Variants in ACOT12 observed in about 807,000 individuals in gnomAD.
The protein encoded by ACOT12 is acetyl-coenzyme A thioesterase.
A neutral mutation model predicts 67.7 loss-of-function variants in ACOT12; 51 were observed. That is an observed-to-expected ratio of 0.75 (90% CI 0.60 to 0.95). The LOEUF (loss-of-function observed/expected upper bound fraction) is 0.95. Among genes scored for constraint, ACOT12 ranks in the 40% least tolerant of loss-of-function variants. The pLI, the probability that ACOT12 is intolerant of heterozygous loss-of-function variation, is 0.00. For synonymous variants in ACOT12, 251 were observed against 244.6 expected, an observed-to-expected ratio of 1.03 and a Z score of -0.24; for missense variants, 734 against 708.1, an observed-to-expected ratio of 1.04 and a Z score of -0.41.
Position 81,344,073 on chromosome 5 carries a change from T to A in ACOT12, c.980+87A>T. The A allele has an allele frequency of 2.1e-6, 3 of 1,424,758 alleles. No individual in the cohort carries two copies. In the Middle Eastern group the frequency reaches 5.4e-4, roughly 255 times the overall value. 88.3% of individuals were successfully genotyped at this position (1,424,758 alleles called of 1,614,324 possible). ...TCAGACCTTCTCTTTTTCCGTTACG[T>A]GGGAATAGAGACCCAGAGGGGGGCT... On this transcript the variant is annotated intron_variant, in intron 9 of 14. Transcript: ENST00000307624.
intron 1 of ACOT12, among the ~76,000 whole-genome samples, chr5:81,389,403 C>T (rs930083612): frequency 5.9e-5 from 9 of 152,172 alleles, no homozygotes; most frequent in Non-Finnish European, 1.2e-4. Flanking sequence ...CTGATGAGGT[C>T]AGTGGTAATT....
At chr5:81,338,393 C>T (rs1393101257) in intron 11 of ACOT12, among the ~76,000 whole-genome samples, 1 of 152,124 alleles carries the variant, frequency 6.6e-6, no homozygotes, top group East Asian at 1.9e-4. Context: ...TGAGTGAGTT[C>T]TCATGAGATC....
chr5:81,387,215 C>A (rs1760753170), intron 1 of ACOT12, among the ~76,000 whole-genome samples: 1 of 151,902 alleles, frequency 6.6e-6, no homozygotes, highest in South Asian at 2.1e-4. Flanking sequence ...CCATGTTAGC[C>A]AGGATGGTCT....
intron 10 of ACOT12, 29 bp downstream of exon 10, chr5:81,343,789 A>G (rs771358728): frequency 6.2e-7 from 1 of 1,608,172 alleles, no homozygotes; most frequent in Non-Finnish European, 8.5e-7. Context: ...AGACTTTTAT[A>G]TGAAGAGCTC....
intron 6 of ACOT12, 146 bp from the exon 7 acceptor site, chr5:81,346,150 C>T (rs149896819): frequency 2.7e-5 from 34 of 1,240,366 alleles, no homozygotes; most frequent in Admixed American, 1.7e-4. Flanking sequence ...TAGGTCTGCA[C>T]GCTACCTGCC....
rs1758795754 is a variant in ACOT12 at position 81,330,859 on chromosome 5, T to C, written c.1473A>G (p.Ile491Met). ...TAGCATGGATGAGAAATCCGGCACA[T>C]ATGATTTCACTTCTGATGTACTGTG... ...PSPQYIRSEI[I>M]CAGFLIHAID... Residue 491 changes from isoleucine (I) to methionine (M), a missense_variant, in exon 14 of 15, where the codon ATA (isoleucine) becomes ATG (methionine). Transcript: ENST00000307624. 6.2e-7 allele frequency: 1 copy of C among 1,614,048 alleles called. No homozygotes were observed. The highest frequency in any genetic ancestry group is 8.5e-7 in the Non-Finnish European group (1 of 1,179,950).
intron 8 of ACOT12, 69 bp downstream of exon 8, chr5:81,344,822 G>A (rs1421402195): frequency 6.4e-7 from 1 of 1,567,404 alleles, no homozygotes; most frequent in Non-Finnish European, 8.7e-7. Flanking sequence ...GTTGCCGGTG[G>A]GAGGAGATTC....
At chr5:81,357,734 G>C (rs11741065) in intron 5 of ACOT12, among the ~76,000 whole-genome samples, 1 of 151,922 alleles carries the variant, frequency 6.6e-6, no homozygotes, top group Non-Finnish European at 1.5e-5. Context: ...TGCTGGGCGC[G>C]GTGACTCACA....
the ACOT12 span, among the ~76,000 whole-genome samples, chr5:81,322,468 C>CAAAAAA: frequency 3.4e-5 from 5 of 146,628 alleles, no homozygotes; most frequent in African/African-American, 1.0e-4. Context: ...AAAAAATAAA[C>CAAAAAA]AAAAAAAAAA....
chr5:81,361,748 A>G (rs1372682417), intron 4 of ACOT12, among the ~76,000 whole-genome samples: 1 of 152,200 alleles, frequency 6.6e-6, no homozygotes, highest in Admixed American at 6.5e-5. Flanking sequence ...GCTTTAGCTT[A>G]GTAAGGCTTT....
chr5:81,378,648 C>T (rs1361229345), intron 2 of ACOT12, among the ~76,000 whole-genome samples: 1 of 152,084 alleles, frequency 6.6e-6, no homozygotes, highest in Non-Finnish European at 1.5e-5. Context: ...AAGAAAAAAA[C>T]AACCCCATCA....
At chr5:81,380,716 T>G (rs1760557168) in intron 2 of ACOT12, among the ~76,000 whole-genome samples, 1 of 152,148 alleles carries the variant, frequency 6.6e-6, no homozygotes, top group Admixed American at 6.5e-5. Context: ...GGAGGGCCAG[T>G]TGAAAAATGT....
At chr5:81,326,194 C>G (rs112805889), downstream of ACOT12, among the ~76,000 whole-genome samples, 1 of 137,036 alleles carries the variant, frequency 7.3e-6, no homozygotes, top group Non-Finnish European at 1.5e-5. Flanking sequence ...GGCATGATCT[C>G]GGCTCACTGC....
At chr5:81,373,451 G>C (rs1760315363) in intron 2 of ACOT12, among the ~76,000 whole-genome samples, 1 of 152,222 alleles carries the variant, frequency 6.6e-6, no homozygotes, top group Non-Finnish European at 1.5e-5. Flanking sequence ...CATTTGGGGA[G>C]ACACCGAGCT....
At chr5:81,358,551 A>G (rs765357711) in intron 5 of ACOT12, among the ~76,000 whole-genome samples, 2 of 152,176 alleles carry the variant, frequency 1.3e-5, no homozygotes, top group Non-Finnish European at 2.9e-5. Flanking sequence ...TCATTTCCTT[A>G]AAAATAACTT....
intron 1 of ACOT12, among the ~76,000 whole-genome samples, chr5:81,386,460 A>G (rs146028079): frequency 2.5e-4 from 38 of 152,216 alleles, no homozygotes; most frequent in African/African-American, 8.4e-4. Context: ...GAAGAAGCTT[A>G]GTTATTTCCA....
At chr5:81,355,770 C>T (rs527486619) in intron 5 of ACOT12, among the ~76,000 whole-genome samples, 2 of 152,144 alleles carry the variant, frequency 1.3e-5, no homozygotes, top group South Asian at 2.1e-4. Flanking sequence ...CCGATGGATG[C>T]CTCCTGCTTC....
chr5:81,393,939 T>TCCCGCAGCC (rs1346044132), intron 1 of ACOT12, 49 bp downstream of exon 1: 2 of 1,284,986 alleles, frequency 1.6e-6, no homozygotes, highest in Non-Finnish European at 2.0e-6. Flanking sequence ...CCGCCGCCGC[T>TCCCGCAGCC]CCCGCAGCCC....
downstream of ACOT12, among the ~76,000 whole-genome samples, chr5:81,329,689 G>A (rs920152946): frequency 2.0e-5 from 3 of 152,142 alleles, no homozygotes; most frequent in East Asian, 1.9e-4. Flanking sequence ...TGAAGTCTAC[G>A]GAATAAAGTG....
Sources: gnomAD v4.1 joint callset for allele counts (sites outside exome capture counted in the v4.1 genomes callset) on GRCh38, gnomAD v4.1.1 for gene constraint, MANE v1.5 for transcripts, NCBI Gene and HGNC (gene_info 2026-07-23, HGNC 2026-07-21) for gene names.